The following PCOLCE2 variants were observed in gnomAD, a reference collection of about 807,000 sequenced individuals.
PCOLCE2 encodes the protein procollagen C-endopeptidase enhancer 2.
PCOLCE2 carries 42 observed loss-of-function variants against 47.0 expected under a neutral mutation model. The observed-to-expected ratio is 0.89, with a 90% confidence interval of 0.70 to 1.16. The LOEUF (loss-of-function observed/expected upper bound fraction) is 1.16, where lower values mean the gene tolerates loss of function less well. Among genes scored for constraint, PCOLCE2 ranks in the 50% most tolerant of loss-of-function variants. The pLI is 0.00. For missense variants in PCOLCE2, 500 were observed against 526.1 expected (o/e 0.95, Z 0.49); for synonymous variants, 169 against 191.7 (o/e 0.88, Z 0.98).
Position 142,842,460 on chromosome 3 carries a change from G to A in PCOLCE2, c.573+464C>T, listed in dbSNP as rs776795013. Among the ~76,000 whole-genome samples, 6 of 152,126 alleles carry A rather than the reference G, an allele frequency of 3.9e-5. No individual in the cohort carries two copies. Among genetic ancestry groups the A allele is most frequent in the East Asian group, 3.9e-4 (2 of 5,192 alleles). ...CTCAAAAAAATGCAAAGGCTAGGCC[G>A]GGCACGGTGGCTCACATCTGTAATC... is the stretch of plus-strand genomic sequence containing the variant. On this transcript the variant is annotated intron_variant, in intron 4 of 8. Transcript: ENST00000295992. This position sits in a 1 kb window ranked among gnomAD's most constrained non-coding sequence, Gnocchi z 4.1.
chr3:142,863,541 A>G (rs1365620991), intron 2 of PCOLCE2, among the ~76,000 whole-genome samples: 1 of 152,138 alleles, frequency 6.6e-6, no homozygotes, highest in Non-Finnish European at 1.5e-5. Context: ...ACAACGTCTG[A>G]GGCCACAGAC....
intron 2 of PCOLCE2, among the ~76,000 whole-genome samples, chr3:142,878,715 C>T (rs966091301): frequency 2.6e-5 from 4 of 152,012 alleles, no homozygotes; most frequent in African/African-American, 4.8e-5. Flanking sequence ...ATTATCCAGG[C>T]GTGATGGTGG....
chr3:142,869,782 G>C (rs181004327), intron 2 of PCOLCE2, among the ~76,000 whole-genome samples: 1 of 152,236 alleles, frequency 6.6e-6, no homozygotes, highest in African/African-American at 2.4e-5. Flanking sequence ...CGCCTTTCTG[G>C]ACCGAACCAA....
At chr3:142,887,520 A>G (rs1421230806) in intron 2 of PCOLCE2, 149 bp downstream of exon 2, 1 of 605,234 alleles carries the variant, frequency 1.7e-6, no homozygotes, top group Non-Finnish European at 3.0e-6. Flanking sequence ...ATTAATAAAA[A>G]TCTTCCCAAT....
intron 8 of PCOLCE2, among the ~76,000 whole-genome samples, chr3:142,820,455 A>C (rs1937000486): frequency 6.6e-6 from 1 of 152,098 alleles, no homozygotes; most frequent in Non-Finnish European, 1.5e-5. Context: ...CCATCCATGG[A>C]CTTAATAGTC....
intron 2 of PCOLCE2, among the ~76,000 whole-genome samples, chr3:142,880,699 T>C (rs948770787): frequency 6.6e-6 from 1 of 152,238 alleles, no homozygotes; most frequent in African/African-American, 2.4e-5. Flanking sequence ...TTAAGTATGA[T>C]GACTTTAACA....
chr3:142,867,327 C>T (rs564355422), intron 2 of PCOLCE2, among the ~76,000 whole-genome samples: 25 of 152,268 alleles, frequency 1.6e-4, no homozygotes, highest in Admixed American at 1.5e-3. Flanking sequence ...ACAAGACAGC[C>T]ATATCAGAAG....
chr3:142,854,384 T>TC (rs1303116727), intron 2 of PCOLCE2, among the ~76,000 whole-genome samples: 2 of 152,164 alleles, frequency 1.3e-5, no homozygotes, highest in Non-Finnish European at 2.9e-5. Flanking sequence ...CCCATGGACC[T>TC]CCAAAGGTAG....
In PCOLCE2 at chr3:142,876,240, G is replaced by A. The variant is rs4608658; in HGVS notation, c.192+11429C>T. Among the ~76,000 whole-genome samples the A allele has an allele frequency of 9.6e-3, 1,461 of 152,334 alleles. 8 individuals carry two copies. Among genetic ancestry groups the A allele is most frequent in the Non-Finnish European group, 0.015 (996 of 68,034 alleles). On this transcript the variant is annotated intron_variant, in intron 2 of 8. Coordinates refer to ENST00000295992, the MANE Select transcript of PCOLCE2 (RefSeq NM_013363.4). Reference sequence around the variant, plus strand: ...ATGTGAAACAGGCCATGGCACATAAGTGTTCAATAAGTATAATATTTCATG... The same window carrying A: ...ATGTGAAACAGGCCATGGCACATAAATGTTCAATAAGTATAATATTTCATG...
chr3:142,865,812 C>G (rs1933272338), intron 2 of PCOLCE2, among the ~76,000 whole-genome samples: 1 of 152,092 alleles, frequency 6.6e-6, no homozygotes, highest in African/African-American at 2.4e-5. Flanking sequence ...GGATAGGAAG[C>G]AAGGAAATGT....
rs1037305168 is a variant in PCOLCE2, at chr3:142,817,954, T to C, written c.*381A>G. On this transcript the variant is annotated 3_prime_UTR_variant, in exon 9 of 9. Coordinates refer to ENST00000295992, the MANE Select transcript of PCOLCE2 (RefSeq NM_013363.4). ...ACACCTCAGGGCAAAGGCTTGAAGG[T>C]GAAACAAATAACACTATAAATATTG... 1.8e-5 allele frequency: 3 copies of C among 162,856 alleles called. No individual in the cohort carries two copies. The highest frequency in any genetic ancestry group is 7.2e-5 in the African/African-American group (3 of 41,758). 10.1% of individuals were successfully genotyped at this position (162,856 alleles called of 1,614,324 possible).
chr3:142,858,833 A>T (rs1933122840), intron 2 of PCOLCE2, among the ~76,000 whole-genome samples: 1 of 152,142 alleles, frequency 6.6e-6, no homozygotes, highest in African/African-American at 2.4e-5. Flanking sequence ...ACTGAAACAA[A>T]GTACTTAAGT....
intron 5 of PCOLCE2, 84 bp from the exon 6 acceptor site, chr3:142,829,930 A>G (rs1219831177): frequency 5.6e-6 from 4 of 717,556 alleles, no homozygotes; most frequent in Non-Finnish European, 9.0e-6. Context: ...TTTTCCATTA[A>G]CTTCCGACAA....
intron 6 of PCOLCE2, among the ~76,000 whole-genome samples, chr3:142,826,597 CTT>C (rs1937081559): frequency 6.6e-6 from 1 of 152,194 alleles, no homozygotes; most frequent in African/African-American, 2.4e-5. Flanking sequence ...GCCTCTCCTT[CTT>C]CTTTAAGGCC....
intron 2 of PCOLCE2, among the ~76,000 whole-genome samples, chr3:142,867,429 T>C (rs1000852678): frequency 2.6e-5 from 4 of 152,176 alleles, no homozygotes; most frequent in African/African-American, 7.2e-5. Context: ...TTTCTGCTCA[T>C]CAAAAGTAAC....
At chr3:142,843,319 G>A (rs1338527600) in intron 3 of PCOLCE2, 2 of 505,768 alleles carry the variant, frequency 4.0e-6, no homozygotes, top group East Asian at 5.3e-5. Flanking sequence ...CCTTAGACAA[G>A]GAAGACAAAA....
rs190203726 is a variant in PCOLCE2 at position 142,857,647 on chromosome 3, A to T, written c.193-9175T>A. Among the ~76,000 whole-genome samples, 58 of 152,380 alleles carry T rather than the reference A, an allele frequency of 3.8e-4. No homozygotes were observed. In the Middle Eastern group the frequency reaches 0.02, roughly 54 times the overall value. On this transcript the variant is annotated intron_variant, in intron 2 of 8. Coordinates refer to ENST00000295992, the MANE Select transcript of PCOLCE2 (RefSeq NM_013363.4). ...ATATGTGATGCCCTGGATGACAGGT[A>T]CACATCAGAACTGTCCAGGACAAAT...
chr3:142,866,310 G>A (rs1019542396), intron 2 of PCOLCE2, among the ~76,000 whole-genome samples: 3 of 152,008 alleles, frequency 2.0e-5, no homozygotes, highest in East Asian at 1.9e-4. Context: ...TCCTGCCCTC[G>A]GATATCAGAA....
chr3:142,870,706 A>G (rs1011112733), intron 2 of PCOLCE2, among the ~76,000 whole-genome samples: 1 of 135,386 alleles, frequency 7.4e-6, no homozygotes, highest in Non-Finnish European at 1.6e-5. Flanking sequence ...GAATGAGGCA[A>G]TTTTTTTTTT....
Sources: gnomAD v4.1 joint callset for allele counts (sites outside exome capture counted in the v4.1 genomes callset) on GRCh38, gnomAD v4.1.1 for gene constraint, Gnocchi (gnomAD v3.1) non-coding constraint, MANE v1.5 for transcripts, NCBI Gene and HGNC (gene_info 2026-07-23, HGNC 2026-07-21) for gene names.